LARP1: variants seen among roughly 807,000 people sequenced by gnomAD.
LARP1 encodes the protein La ribonucleoprotein 1, translational regulator.
LARP1 carries 36 observed loss-of-function variants against 122.7 expected under a neutral mutation model. The ratio of observed to expected loss-of-function variants is 0.29; its 90% CI spans 0.22 to 0.39. LARP1 has a LOEUF of 0.39. Among genes scored for constraint, LARP1 ranks in the 10% least tolerant of loss-of-function variants. The pLI is 1.00. For missense variants in LARP1, 1,040 were observed against 1,403.6 expected, an observed-to-expected ratio of 0.74 and a Z score of 4.14; for synonymous variants, 539 against 528.7, an observed-to-expected ratio of 1.02 and a Z score of -0.27.
chr5:154,754,005 G>C (rs146146583), upstream of LARP1, among the ~76,000 whole-genome samples: 9 of 152,336 alleles, frequency 5.9e-5, no homozygotes, highest in Non-Finnish European at 1.3e-4. Context: ...TCCAAGTGAA[G>C]TCATAAGCAC....
chr5:154,697,911 G>T (rs559032127), intron 1 of LARP1, among the ~76,000 whole-genome samples: 44 of 152,194 alleles, frequency 2.9e-4, no homozygotes, highest in Non-Finnish European at 1.5e-4. Context: ...CTGCAGCCTC[G>T]GACTCCTGGG....
rs1753808082 is a variant in LARP1 at position 154,755,714 on chromosome 5, C to T, written c.-44C>T. 6 of 987,702 alleles carry T rather than the reference C, an allele frequency of 6.1e-6. No homozygotes were observed. Among genetic ancestry groups the T allele is most frequent in the Non-Finnish European group, 7.2e-6 (6 of 830,406 alleles). The allele number at this position is 987,702 out of a possible 1,614,324, so 61.2% of individuals were successfully genotyped here. ...CTAGCCAAGTTCGAGGCGGGGGAGG[C>T]AGCCTCGGGCGCGCCCGGCTTCTCC... On this transcript the variant is annotated 5_prime_UTR_variant, in exon 1 of 19. Transcript: ENST00000518297.
chr5:154,737,436 CTTTTTTTTTTTT>C (rs10526758), intron 1 of LARP1, among the ~76,000 whole-genome samples: 5 of 95,304 alleles, frequency 5.2e-5, no homozygotes, highest in East Asian at 3.5e-4. Context: ...GAATTTTTCT[CTTTTTTTTTTTT>C]TTTTTTTTTT....
chr5:154,811,740 G>A (rs1314341739), intron 18 of LARP1, 100 bp downstream of exon 18: 1 of 1,430,484 alleles, frequency 7.0e-7, no homozygotes, highest in Non-Finnish European at 9.7e-7. Flanking sequence ...CCTAGCCCAG[G>A]AACCCCTCTC....
chr5:154,762,224 CAA>C (rs1020704313), intron 1 of LARP1, among the ~76,000 whole-genome samples: 27 of 151,926 alleles, frequency 1.8e-4, no homozygotes, highest in African/African-American at 6.0e-4. Flanking sequence ...GCCTGGGTGA[CAA>C]GAGCAAGACT....
At chr5:154,812,518 AC>A (rs1561639271) in intron 18 of LARP1, among the ~76,000 whole-genome samples, 3 of 17,802 alleles carry the variant, frequency 1.7e-4, no homozygotes, top group Non-Finnish European at 3.3e-4. Flanking sequence ...CCCCCCCCCC[AC>A]CCCCCCTTTT....
intron 1 of LARP1, among the ~76,000 whole-genome samples, chr5:154,691,530 C>A (rs369418295): frequency 8.5e-4 from 130 of 152,326 alleles, no homozygotes; most frequent in African/African-American, 3.1e-3. Flanking sequence ...CCACTCTGCT[C>A]CTGCCCGACG....
chr5:154,786,740 G>A (rs911551577), intron 1 of LARP1: 10 of 226,796 alleles, frequency 4.4e-5, no homozygotes, highest in African/African-American at 1.8e-4. Flanking sequence ...GAGGAGCTCT[G>A]GCAAGGGAGT....
rs189365184 is a variant in LARP1, at chr5:154,777,692, T to G, written c.437-12633T>G. ...TTGTACATTTAAAAATAACAAAGTG[T>G]AACTGAATTGTTTGTAACACAAAGA... On this transcript the variant is annotated intron_variant, in intron 1 of 18. Transcript: ENST00000518297. Among the ~76,000 whole-genome samples the G allele has an allele frequency of 2.7e-4, 41 of 152,324 alleles. No individual in the cohort carries two copies. The East Asian group carries it at 4.6e-3, about 17-fold the overall frequency.
chr5:154,793,413 G>T (rs1269587364), intron 4 of LARP1, among the ~76,000 whole-genome samples, 182 bp from the exon 5 acceptor site: 1 of 152,128 alleles, frequency 6.6e-6, no homozygotes, highest in Admixed American at 6.5e-5. Context: ...ACACACTGAC[G>T]GCCACTGACC....
intron 1 of LARP1, among the ~76,000 whole-genome samples, chr5:154,771,389 T>C (rs548418846): frequency 2.2e-4 from 33 of 152,306 alleles, no homozygotes; most frequent in African/African-American, 7.9e-4. Context: ...CTAGCTACAG[T>C]GACAATCCTC....
chr5:154,786,970 C>T (rs1227477821), intron 1 of LARP1, among the ~76,000 whole-genome samples: 1 of 151,972 alleles, frequency 6.6e-6, no homozygotes, highest in African/African-American at 2.4e-5. Flanking sequence ...CCTCCTGCCT[C>T]CTGGGTTCAA....
intron 1 of LARP1, among the ~76,000 whole-genome samples, chr5:154,707,039 G>A (rs942845976): frequency 4.6e-5 from 7 of 152,062 alleles, no homozygotes; most frequent in African/African-American, 1.4e-4. Context: ...AAATGCTTTT[G>A]TCTGTCTCTT....
Position 154,811,326 on chromosome 5 carries a change from C to T in LARP1, c.2923C>T (p.Gln975Ter). The change falls in exon 17 of 19, where the codon CAG becomes TAG. Residue 975 changes from glutamine to a stop codon, truncating the protein, a stop_gained. Coordinates refer to ENST00000518297, the MANE Select transcript of LARP1 (RefSeq NM_033551.3). LOFTEE classifies it high-confidence loss of function. ...CCGGCTGGACATATTCAAGGATTTT[C>T]AGGAGGAAACGGTGAAGGACTATGA... ...KFRLDIFKDF[Q>*]EETVKDYEAG... 6.2e-7 allele frequency: 1 copy of T among 1,614,118 alleles called. No individual in the cohort carries two copies. Among genetic ancestry groups the T allele is most frequent in the Non-Finnish European group, 8.5e-7 (1 of 1,180,016 alleles).
chr5:154,722,268 C>G (rs1215970857), intron 1 of LARP1, among the ~76,000 whole-genome samples: 1 of 152,186 alleles, frequency 6.6e-6, no homozygotes, highest in Admixed American at 6.5e-5. Context: ...TGCAGGGAGG[C>G]TGCTGGACTC....
chr5:154,740,334 G>A (rs1190809320), intron 1 of LARP1, among the ~76,000 whole-genome samples: 1 of 146,620 alleles, frequency 6.8e-6, no homozygotes. Flanking sequence ...CGGAGGTTGC[G>A]ATGAGCCGAA....
chr5:154,727,439 A>C, intron 1 of LARP1, among the ~76,000 whole-genome samples: 1 of 152,208 alleles, frequency 6.6e-6, no homozygotes, highest in East Asian at 1.9e-4. Flanking sequence ...AAAATAAATC[A>C]TATCCCATTA....
At chr5:154,809,738 C>T (rs1252298190) in intron 16 of LARP1, among the ~76,000 whole-genome samples, 3 of 133,438 alleles carry the variant, frequency 2.2e-5, no homozygotes, top group African/African-American at 8.6e-5. Context: ...CTCGCTCTGT[C>T]GCCCAGGCTG....
chr5:154,800,170 A>G (rs1214789643), intron 10 of LARP1, 128 bp downstream of exon 10: 5 of 844,538 alleles, frequency 5.9e-6, no homozygotes, highest in Middle Eastern at 3.6e-4. Context: ...TCAGGATCAT[A>G]GTGTGAGTTG....
Sources: allele counts gnomAD v4.1 joint callset (sites outside exome capture counted in the v4.1 genomes callset), GRCh38; gene constraint gnomAD v4.1.1; transcripts MANE v1.5; gene names NCBI Gene and HGNC (gene_info 2026-07-23, HGNC 2026-07-21).